Variants in SKAP1 observed in about 807,000 individuals in gnomAD.
SKAP1 encodes src kinase associated phosphoprotein 1, also known as src kinase-associated phosphoprotein 1.
Under a neutral mutation model 58.5 loss-of-function variants are expected in SKAP1, and 44 were observed. That is an observed-to-expected ratio of 0.75 (90% CI 0.59 to 0.97). The LOEUF (loss-of-function observed/expected upper bound fraction) is 0.97. Ranked by LOEUF, SKAP1 falls within the 50% of genes least tolerant of loss-of-function variation. The pLI, the probability that SKAP1 is intolerant of heterozygous loss-of-function variation, is 0.00. For synonymous variants in SKAP1, 127 were observed against 149.7 expected (o/e 0.85, Z 1.11); for missense variants, 390 against 435.2 (o/e 0.90, Z 0.92).
chr17:48,335,318 T>C (rs1006987190), intron 4 of SKAP1, among the ~76,000 whole-genome samples: 48 of 152,036 alleles, frequency 3.2e-4, no homozygotes, highest in African/African-American at 1.1e-3. Flanking sequence ...TAAGGGATAG[T>C]GTCTAATTTT....
At chr17:48,155,078 A>C (rs1381982589) in intron 11 of SKAP1, among the ~76,000 whole-genome samples, 1 of 151,920 alleles carries the variant, frequency 6.6e-6, no homozygotes, top group African/African-American at 2.4e-5. Flanking sequence ...AAAAAAAAAA[A>C]AAAGTTATCT....
chr17:48,321,705 G>A (rs1365234870), intron 4 of SKAP1, among the ~76,000 whole-genome samples: 3 of 151,858 alleles, frequency 2.0e-5, no homozygotes, highest in Non-Finnish European at 2.9e-5. Context: ...AGGTTAAATG[G>A]TCTCTCCAGT....
At chr17:48,262,858 AAGT>A (rs1203302260) in intron 4 of SKAP1, among the ~76,000 whole-genome samples, 1 of 152,236 alleles carries the variant, frequency 6.6e-6, no homozygotes, top group Non-Finnish European at 1.5e-5. Flanking sequence ...CAAACAAAAG[AAGT>A]AGAAGAGATG....
intron 9 of SKAP1, among the ~76,000 whole-genome samples, chr17:48,179,193 G>T (rs557333606): frequency 6.6e-6 from 1 of 152,238 alleles, no homozygotes; most frequent in Non-Finnish European, 1.5e-5. Flanking sequence ...ATAAATTTAG[G>T]CTTAACTTGA....
chr17:48,422,321 A>C (rs867938441), intron 1 of SKAP1, among the ~76,000 whole-genome samples: 75 of 152,348 alleles, frequency 4.9e-4, no homozygotes, highest in Middle Eastern at 3.4e-3. Flanking sequence ...GGCAGCTGCC[A>C]AAACAAACAA....
chr17:48,185,650 A>C (rs377397825), intron 6 of SKAP1, among the ~76,000 whole-genome samples: 1 of 152,292 alleles, frequency 6.6e-6, no homozygotes, highest in South Asian at 2.1e-4. Context: ...ATGTGAAATG[A>C]ATTGCTTAAT....
intron 2 of SKAP1, among the ~76,000 whole-genome samples, chr17:48,384,922 G>A (rs1175044738): frequency 6.6e-6 from 1 of 152,156 alleles, no homozygotes; most frequent in African/African-American, 2.4e-5. Context: ...GCATGTAACT[G>A]CCTCCTAAGG....
chr17:48,300,795 C>T (rs1197499680), intron 4 of SKAP1, among the ~76,000 whole-genome samples: 6 of 152,168 alleles, frequency 3.9e-5, no homozygotes, highest in Admixed American at 3.9e-4. Flanking sequence ...TTCCACTTTC[C>T]AGTCTCCCTA....
chr17:48,444,683 T>C, the SKAP1 span, among the ~76,000 whole-genome samples: 5 of 152,208 alleles, frequency 3.3e-5, no homozygotes. Flanking sequence ...TAGTAACTTC[T>C]CTGCACCACG....
intron 11 of SKAP1, among the ~76,000 whole-genome samples, chr17:48,152,290 G>T (rs2063910915): frequency 6.6e-6 from 1 of 152,158 alleles, no homozygotes; most frequent in South Asian, 2.1e-4. Context: ...GTTATACTTT[G>T]TTTCAATATT....
chr17:48,390,000 A>C (rs2067326565), intron 2 of SKAP1, among the ~76,000 whole-genome samples: 1 of 152,194 alleles, frequency 6.6e-6, no homozygotes, highest in South Asian at 2.1e-4. Flanking sequence ...AAGCAACCTA[A>C]AAAGAAAACA....
chr17:48,282,463 A>G (rs955275641), intron 4 of SKAP1, among the ~76,000 whole-genome samples: 1 of 152,188 alleles, frequency 6.6e-6, no homozygotes, highest in Non-Finnish European at 1.5e-5. Context: ...TAACCACAGT[A>G]TAACTATCAA....
intron 4 of SKAP1, among the ~76,000 whole-genome samples, chr17:48,332,847 T>C (rs546802379): frequency 2.5e-4 from 38 of 152,282 alleles, no homozygotes; most frequent in African/African-American, 9.1e-4. Flanking sequence ...TTCCTTAATT[T>C]CACACTTTTG....
chr17:48,315,952 T>A (rs2066280594), intron 4 of SKAP1, among the ~76,000 whole-genome samples: 1 of 152,148 alleles, frequency 6.6e-6, no homozygotes, highest in South Asian at 2.1e-4. Context: ...ACCCATCTGG[T>A]CCCAAGCATT....
At position 48,303,246 on chromosome 17, in the gene SKAP1, G is replaced by A. The variant is rs1352329869; in HGVS notation, c.280+42659C>T. ...TTATGCTAAGACATTACCAGGTGATGAGCATTCCAAGGCCACTGTCCTGTG... is the reference window on the plus strand; with the variant it reads ...TTATGCTAAGACATTACCAGGTGATAAGCATTCCAAGGCCACTGTCCTGTG... On this transcript the variant is annotated intron_variant, in intron 4 of 12. Coordinates refer to ENST00000336915, the MANE Select transcript of SKAP1 (RefSeq NM_003726.4). Among the ~76,000 whole-genome samples the A allele has an allele frequency of 2.6e-5, 4 of 152,172 alleles. No individual in the cohort carries two copies. The East Asian group carries it at 5.8e-4, about 22-fold the overall frequency.
chr17:48,292,132 C>CAAAAAAAAA (rs67360130), intron 4 of SKAP1, among the ~76,000 whole-genome samples: 3 of 121,578 alleles, frequency 2.5e-5, no homozygotes, highest in African/African-American at 2.9e-5. Context: ...TTAGCCTATT[C>CAAAAAAAAA]AAAAAAAAAA....
chr17:48,407,930 G>T (rs568833689), intron 1 of SKAP1, among the ~76,000 whole-genome samples: 5 of 151,608 alleles, frequency 3.3e-5, no homozygotes, highest in African/African-American at 1.2e-4. Flanking sequence ...TTTTCAGAGG[G>T]GGGGGAATCC....
intron 11 of SKAP1, among the ~76,000 whole-genome samples, chr17:48,160,914 A>T (rs11079812): frequency 6.6e-6 from 1 of 151,880 alleles, no homozygotes; most frequent in Non-Finnish European, 1.5e-5. Flanking sequence ...GCCAATGTCC[A>T]CTCCCTTTTT....
chr17:48,405,445 C>CT (rs1401868670), intron 1 of SKAP1, among the ~76,000 whole-genome samples: 11 of 65,774 alleles, frequency 1.7e-4, no homozygotes, highest in Non-Finnish European at 3.1e-4. Flanking sequence ...TTCTTTCTTT[C>CT]TTTCTTTTCT....
Sources: gnomAD v4.1 joint callset for allele counts (sites outside exome capture counted in the v4.1 genomes callset) on GRCh38, gnomAD v4.1.1 for gene constraint, MANE v1.5 for transcripts, NCBI Gene and HGNC (gene_info 2026-07-23, HGNC 2026-07-21) for gene names.